The following CERKL variants were observed in gnomAD, a reference collection of about 807,000 sequenced individuals.
CERKL encodes the protein ceramide kinase-like protein.
In CERKL, 61 loss-of-function variants were observed where a neutral mutation model predicts 63.4. That is an observed-to-expected ratio of 0.96 (90% CI 0.78 to 1.19). The LOEUF (loss-of-function observed/expected upper bound fraction) is 1.19. Ranked by LOEUF, CERKL falls within the 50% of genes most tolerant of loss-of-function variation. The pLI, the probability that CERKL is intolerant of heterozygous loss-of-function variation, is 0.00. For synonymous variants in CERKL, 250 were observed against 230.5 expected (o/e 1.08, Z -0.77); for missense variants, 675 against 655.5 (o/e 1.03, Z -0.33).
At chr2:181,566,731 T>C (rs1688682719) in intron 3 of CERKL, among the ~76,000 whole-genome samples, 1 of 152,178 alleles carries the variant, frequency 6.6e-6, no homozygotes, top group South Asian at 2.1e-4. Context: ...TCTGTCACTC[T>C]GTATCGCTGT....
chr2:181,543,918 AGGTT>A (rs1687614462), intron 11 of CERKL, among the ~76,000 whole-genome samples: 1 of 143,034 alleles, frequency 7.0e-6, no homozygotes, highest in Non-Finnish European at 1.5e-5. Context: ...TGGGAGGTGG[AGGTT>A]GCAGTGAGCA....
chr2:181,601,417 C>T (rs1482697716), intron 2 of CERKL, among the ~76,000 whole-genome samples: 3 of 152,110 alleles, frequency 2.0e-5, no homozygotes, highest in Non-Finnish European at 4.4e-5. Context: ...AAAAATTAGC[C>T]AGGCGTAGTG....
chr2:181,583,622 C>T (rs1684632954), intron 2 of CERKL, among the ~76,000 whole-genome samples: 1 of 152,172 alleles, frequency 6.6e-6, no homozygotes, highest in Non-Finnish European at 1.5e-5. Context: ...TCCAGCATCA[C>T]CAGCAGCTCA....
intron 12 of CERKL, among the ~76,000 whole-genome samples, chr2:181,538,717 G>A (rs548816628): frequency 6.6e-6 from 1 of 152,232 alleles, no homozygotes; most frequent in South Asian, 2.1e-4. Flanking sequence ...AGGAAACTAA[G>A]ATGGAAGGAT....
chr2:181,626,933 A>T (rs575198581), intron 1 of CERKL, among the ~76,000 whole-genome samples: 71 of 152,360 alleles, frequency 4.7e-4, no homozygotes, highest in African/African-American at 1.6e-3. Flanking sequence ...TTCAACATAG[A>T]GAGGTGATAT....
At chr2:181,611,159 G>A (rs559599789) in intron 1 of CERKL, among the ~76,000 whole-genome samples, 30 of 152,132 alleles carry the variant, frequency 2.0e-4, no homozygotes, top group African/African-American at 7.2e-4. Context: ...GGAGGCGGAG[G>A]TTGCAGTGAG....
At chr2:181,615,271 C>T (rs926968223) in intron 1 of CERKL, among the ~76,000 whole-genome samples, 1 of 152,162 alleles carries the variant, frequency 6.6e-6, no homozygotes, top group East Asian at 1.9e-4. Context: ...GCGGGACCTG[C>T]TTAAAGTAGG....
At chr2:181,564,265 G>A (rs145228647) in intron 4 of CERKL, among the ~76,000 whole-genome samples, 250 of 152,132 alleles carry the variant, frequency 1.6e-3, no homozygotes, top group African/African-American at 3.4e-3. Context: ...CTGCAGTCTC[G>A]GAGTTGGGGA....
At chr2:181,610,722 G>C (rs894488907) in intron 1 of CERKL, among the ~76,000 whole-genome samples, 1 of 152,080 alleles carries the variant, frequency 6.6e-6, no homozygotes, top group Non-Finnish European at 1.5e-5. Flanking sequence ...TTTAACACTG[G>C]TTACCTATTA....
At position 181,537,190 on chromosome 2, in the gene CERKL, G is replaced by GA. The variant is rs1179961143; in HGVS notation, c.*993dup. The GA allele has an allele frequency of 6.6e-6, 3 of 453,288 alleles. No homozygotes were observed. The highest frequency in any genetic ancestry group is 4.7e-5 in the Admixed American group (2 of 42,516). 28.1% of individuals were successfully genotyped at this position (453,288 alleles called of 1,614,324 possible). On this transcript the variant is annotated 3_prime_UTR_variant, in exon 13 of 13. Coordinates refer to ENST00000410087, the MANE Select transcript of CERKL (RefSeq NM_201548.5). Reference sequence around the variant, plus strand: ...CAGGAGAACATCTAGGATCATAGATGAAAAATCAAGCCCCGATTTAGAACT... The same window carrying GA: ...CAGGAGAACATCTAGGATCATAGATGAAAAAATCAAGCCCCGATTTAGAACT...
chr2:181,618,191 A>G (rs1447750009), intron 1 of CERKL, among the ~76,000 whole-genome samples: 1 of 152,158 alleles, frequency 6.6e-6, no homozygotes, highest in Non-Finnish European at 1.5e-5. Context: ...AAGATACACT[A>G]AATTCTCAGA....
intron 1 of CERKL, among the ~76,000 whole-genome samples, chr2:181,616,124 C>G (rs1686182333): frequency 6.7e-6 from 1 of 149,374 alleles, no homozygotes; most frequent in East Asian, 1.9e-4. Context: ...TGAGATACTT[C>G]TTAAGAATGT....
chr2:181,635,962 C>T (rs1687162677), intron 1 of CERKL, among the ~76,000 whole-genome samples: 1 of 152,100 alleles, frequency 6.6e-6, no homozygotes, highest in Admixed American at 6.5e-5. Flanking sequence ...GCGCTTTAAA[C>T]TATGATTATT....
At chr2:181,595,380 G>T (rs904625998) in intron 2 of CERKL, among the ~76,000 whole-genome samples, 1 of 104,924 alleles carries the variant, frequency 9.5e-6, no homozygotes, top group Non-Finnish European at 1.7e-5. Context: ...CCTGCTTCAA[G>T]AGTTTGGAGT....
At chr2:181,642,735 A>AT (rs941187106) in intron 1 of CERKL, among the ~76,000 whole-genome samples, 6 of 151,864 alleles carry the variant, frequency 4.0e-5, no homozygotes, top group South Asian at 2.1e-4. Flanking sequence ...GCCTAGTTTT[A>AT]TTTTTTTTAA....
intron 1 of CERKL, among the ~76,000 whole-genome samples, chr2:181,632,250 T>A (rs1226138124): frequency 6.6e-6 from 1 of 152,178 alleles, no homozygotes; most frequent in Non-Finnish European, 1.5e-5. Flanking sequence ...ACCATTAGAT[T>A]TTTTTCTCAT....
intron 1 of CERKL, 74 bp downstream of exon 1, chr2:181,656,695 T>TG: frequency 8.0e-7 from 1 of 1,257,774 alleles, no homozygotes. Flanking sequence ...CAAAAGCTCG[T>TG]GGGTGTAGGC....
intron 5 of CERKL, among the ~76,000 whole-genome samples, chr2:181,551,515 C>A (rs1687987278): frequency 6.6e-6 from 1 of 151,852 alleles, no homozygotes; most frequent in Non-Finnish European, 1.5e-5. Context: ...CGAACAGACA[C>A]TTCTCAAAAG....
intron 1 of CERKL, among the ~76,000 whole-genome samples, chr2:181,627,342 A>G (rs1047942552): frequency 6.6e-6 from 1 of 152,204 alleles, no homozygotes; most frequent in Non-Finnish European, 1.5e-5. Context: ...TTTACAGGAT[A>G]CATTAAGAGG....
Sources: gnomAD v4.1 joint callset for allele counts (sites outside exome capture counted in the v4.1 genomes callset) on GRCh38, gnomAD v4.1.1 for gene constraint, MANE v1.5 for transcripts, NCBI Gene and HGNC (gene_info 2026-07-23, HGNC 2026-07-21) for gene names.